DLG2: variants seen among roughly 807,000 people sequenced by gnomAD.
DLG2 encodes the protein disks large homolog 2.
Under a neutral mutation model 132.5 loss-of-function variants are expected in DLG2, and 45 were observed. That is an observed-to-expected ratio of 0.34 (90% confidence interval 0.27 to 0.44). The LOEUF (loss-of-function observed/expected upper bound fraction) is 0.44. DLG2 is among the 20% of genes least tolerant of loss of function. DLG2 has a pLI of 1.00. For synonymous variants in DLG2, 424 were observed against 419.6 expected (o/e 1.01, Z -0.13); for missense variants, 1,045 against 1,196.9 (o/e 0.87, Z 1.87).
At chr11:85,290,135 A>C (rs1225085902) in intron 3 of DLG2, among the ~76,000 whole-genome samples, 1 of 152,160 alleles carries the variant, frequency 6.6e-6, no homozygotes, top group African/African-American at 2.4e-5. Context: ...CAGAAGAAAA[A>C]TCATTGAATG....
chr11:85,526,682 T>C (rs1021169912), intron 3 of DLG2, among the ~76,000 whole-genome samples: 1 of 152,150 alleles, frequency 6.6e-6, no homozygotes, highest in Admixed American at 6.5e-5. Flanking sequence ...TGCTAGTAAA[T>C]AGTTTTTCTG....
At chr11:85,167,411 G>A (rs1595011872) in intron 4 of DLG2, among the ~76,000 whole-genome samples, 1 of 152,148 alleles carries the variant, frequency 6.6e-6, no homozygotes, top group Non-Finnish European at 1.5e-5. Flanking sequence ...TTCAGAACAT[G>A]CTACCCCAAA....
intron 6 of DLG2, among the ~76,000 whole-genome samples, chr11:84,628,253 C>T (rs2099626112): frequency 6.6e-6 from 1 of 152,016 alleles, no homozygotes; most frequent in Admixed American, 6.6e-5. Flanking sequence ...TCTCTCTATC[C>T]TCCTCCTTTA....
rs149408440 is a variant in DLG2, at chr11:84,451,981, T to C, written c.519+82589A>G. On this transcript the variant is annotated intron_variant, in intron 7 of 27. Transcript: ENST00000376104. Reference sequence around the variant, plus strand: ...TCACAGATCTATCACATTCTAGATATGGTTTTTTGAAAAAGTAGATGAATC... The same window carrying C: ...TCACAGATCTATCACATTCTAGATACGGTTTTTTGAAAAAGTAGATGAATC... Among the ~76,000 whole-genome samples, 118 of 151,844 alleles carry C rather than the reference T, an allele frequency of 7.8e-4. 1 individual carries two copies. Among genetic ancestry groups the C allele is most frequent in the African/African-American group, 2.7e-3 (112 of 41,514 alleles).
At chr11:85,432,482 G>A (rs1397840334) in intron 3 of DLG2, among the ~76,000 whole-genome samples, 1 of 152,000 alleles carries the variant, frequency 6.6e-6, no homozygotes, top group Non-Finnish European at 1.5e-5. Flanking sequence ...AGTTTAGAGA[G>A]AAACATAAAT....
intron 6 of DLG2, among the ~76,000 whole-genome samples, chr11:84,663,372 G>C (rs1437621150): frequency 6.6e-6 from 1 of 151,778 alleles, no homozygotes; most frequent in Admixed American, 6.6e-5. Flanking sequence ...AAAGATTGCT[G>C]TCCTGGGCTC....
At chr11:83,864,070 C>T (rs2061885166) in intron 16 of DLG2, among the ~76,000 whole-genome samples, 1 of 152,154 alleles carries the variant, frequency 6.6e-6, no homozygotes, top group East Asian at 1.9e-4. Flanking sequence ...TCTTACAGAC[C>T]TGTGCTTAGG....
chr11:83,632,107 T>C (rs2153457785), intron 19 of DLG2: 1 of 152,324 alleles, frequency 6.6e-6, no homozygotes, highest in South Asian at 2.1e-4. Flanking sequence ...AAGAAGGGAC[T>C]CTAGGCTTAT....
chr11:85,296,152 T>C (rs2079190646), intron 3 of DLG2, among the ~76,000 whole-genome samples: 1 of 152,124 alleles, frequency 6.6e-6, no homozygotes, highest in African/African-American at 2.4e-5. Context: ...GAGAAAAAGA[T>C]GGCAAAACAG....
chr11:84,866,241 T>C (rs188920294), intron 6 of DLG2, among the ~76,000 whole-genome samples: 5 of 152,300 alleles, frequency 3.3e-5, no homozygotes, highest in Non-Finnish European at 1.5e-5. Flanking sequence ...GGTGATTTGC[T>C]GCTGGAGCCT....
intron 6 of DLG2, among the ~76,000 whole-genome samples, chr11:84,917,980 T>C (rs950267926): frequency 3.3e-5 from 5 of 152,150 alleles, no homozygotes; most frequent in Non-Finnish European, 7.4e-5. Context: ...GTCCATACAT[T>C]GTGATTCATA....
chr11:84,906,836 G>T (rs927172570), intron 6 of DLG2, among the ~76,000 whole-genome samples: 3 of 152,104 alleles, frequency 2.0e-5, no homozygotes, highest in African/African-American at 4.8e-5. Flanking sequence ...TGAATCCAAG[G>T]CATGGAAAGC....
chr11:83,935,785 C>G (rs2081303953), intron 14 of DLG2, among the ~76,000 whole-genome samples: 1 of 152,148 alleles, frequency 6.6e-6, no homozygotes. Flanking sequence ...AAATTATGCA[C>G]AGACCTAAAT....
chr11:85,505,972 A>G (rs1187888728), intron 3 of DLG2, among the ~76,000 whole-genome samples: 1 of 152,118 alleles, frequency 6.6e-6, no homozygotes, highest in Non-Finnish European at 1.5e-5. Flanking sequence ...CCAGGAATTT[A>G]TCCATTTCTT....
At chr11:84,760,462 G>A (rs1013189450) in intron 6 of DLG2, among the ~76,000 whole-genome samples, 2 of 152,112 alleles carry the variant, frequency 1.3e-5, no homozygotes, top group Non-Finnish European at 2.9e-5. Flanking sequence ...CTTTCCTTAG[G>A]GGAGAGAAAG....
rs1484100576 is a variant in DLG2, at chr11:84,502,174, C to T, written c.519+32396G>A. Reference sequence around the variant, plus strand: ...CCTTCCTTCCTTTCTCTCTCTCTCTCTTTCTCTCTCTTTCTCTCTCTCTCT... The same window carrying T: ...CCTTCCTTCCTTTCTCTCTCTCTCTTTTTCTCTCTCTTTCTCTCTCTCTCT... On this transcript the variant is annotated intron_variant, in intron 7 of 27. Transcript: ENST00000376104. Among the ~76,000 whole-genome samples the T allele has an allele frequency of 6.2e-5, 2 of 32,408 alleles. 1 individual carries two copies. The highest frequency in any genetic ancestry group is 4.9e-4 in the African/African-American group (2 of 4,088). The allele number at this position is 32,408 out of a possible 152,430, so 21.3% of individuals were successfully genotyped here. A position where few individuals can be genotyped will look rare whatever the true frequency, so the allele number is the denominator to read the frequency against.
intron 16 of DLG2, among the ~76,000 whole-genome samples, chr11:83,848,906 GC>G (rs1267561459): frequency 6.6e-6 from 1 of 152,180 alleles, no homozygotes; most frequent in Non-Finnish European, 1.5e-5. Context: ...GGCACATTTA[GC>G]CATCTCCTGG....
In DLG2 at chr11:83,940,085, T is replaced by G. The variant is rs561211201; in HGVS notation, c.1341-9602A>C. On this transcript the variant is annotated intron_variant, in intron 14 of 27. Coordinates refer to ENST00000376104, the MANE Select transcript of DLG2 (RefSeq NM_001142699.3). ...GGTTATGAAGATTGTTTGGTGGCCA[T>G]GAGGGAAGGATAAGACATGCATAAG... is the stretch of plus-strand genomic sequence containing the variant. Among the ~76,000 whole-genome samples, 39 of 152,348 alleles carry G rather than the reference T, an allele frequency of 2.6e-4. 1 individual carries two copies. The South Asian group carries it at 8.1e-3, about 32-fold the overall frequency.
chr11:84,073,912 C>T lies in DLG2; in HGVS notation c.750-14428G>A, dbSNP rs74921247. 5.0e-3 allele frequency among the ~76,000 whole-genome samples: 754 copies of T among 152,166 alleles called. 6 individuals are homozygous for T. The highest frequency in any genetic ancestry group is 0.017 in the African/African-American group (702 of 41,502). On this transcript the variant is annotated intron_variant, in intron 10 of 27. Transcript: ENST00000376104. ...TTAAAAGCCAACCAACATATACGTA[C>T]GCAGGGAAAATACATATAATTTCAT...
Sources: gnomAD v4.1 joint callset for allele counts (sites outside exome capture counted in the v4.1 genomes callset) on GRCh38, gnomAD v4.1.1 for gene constraint, MANE v1.5 for transcripts, NCBI Gene and HGNC (gene_info 2026-07-23, HGNC 2026-07-21) for gene names.